VPS8: variants seen among roughly 807,000 people sequenced by gnomAD.
VPS8 encodes VPS8 subunit of CORVET complex, also known as vacuolar protein sorting-associated protein 8 homolog.
In VPS8, 129 loss-of-function variants were observed where a neutral mutation model predicts 216.4. The observed-to-expected ratio is 0.60, with a 90% CI of 0.52 to 0.69. The LOEUF (loss-of-function observed/expected upper bound fraction) is 0.69. VPS8 is among the 30% of genes least tolerant of loss of function. The pLI, the probability that VPS8 is intolerant of heterozygous loss-of-function variation, is 0.00. For synonymous variants in VPS8, 571 were observed against 565.4 expected (o/e 1.01, Z -0.14); for missense variants, 1,531 against 1,683.5 (o/e 0.91, Z 1.59).
At chr3:184,894,265 GT>G (rs1237449897) in intron 22 of VPS8, among the ~76,000 whole-genome samples, 1 of 151,840 alleles carries the variant, frequency 6.6e-6, no homozygotes, top group Non-Finnish European at 1.5e-5. Context: ...TAGTCCTTTT[GT>G]TTTTTTCCTA....
At chr3:184,985,592 T>C (rs9283654) in intron 42 of VPS8, among the ~76,000 whole-genome samples, 151,716 of 152,274 alleles carry the variant, frequency 1, 75,583 homozygotes, top group Middle Eastern at 1. Context: ...ACTTAATCTG[T>C]GTAAGAGCAG....
chr3:184,846,969 G>A (rs1723252004), intron 8 of VPS8, among the ~76,000 whole-genome samples: 1 of 152,150 alleles, frequency 6.6e-6, no homozygotes, highest in East Asian at 1.9e-4. Context: ...ATAGAATAAA[G>A]GGAAGTTTTA....
In VPS8 at chr3:185,007,593, T is replaced by C. The variant is rs553555963; in HGVS notation, c.4002+7732T>C. 4.6e-5 allele frequency among the ~76,000 whole-genome samples: 7 copies of C among 152,288 alleles called. 1 individual carries two copies. The South Asian group carries it at 1.5e-3, about 32-fold the overall frequency. On this transcript the variant is annotated intron_variant, in intron 45 of 47. Transcript: ENST00000625842. The stretch of plus-strand genomic sequence containing the variant: ...TGAGAGTAGGTAATAAGCTAACACA[T>C]TGTTATGTACCAGAATATTCAAGTT...
At chr3:184,841,302 A>G (rs558814121) in intron 7 of VPS8, among the ~76,000 whole-genome samples, 18 of 152,296 alleles carry the variant, frequency 1.2e-4, no homozygotes, top group African/African-American at 4.1e-4. Flanking sequence ...CTGTACCTAT[A>G]TATGTGTATC....
At chr3:185,008,573 G>C (rs1259152671) in intron 45 of VPS8, among the ~76,000 whole-genome samples, 4 of 152,044 alleles carry the variant, frequency 2.6e-5, no homozygotes, top group Non-Finnish European at 4.4e-5. Flanking sequence ...GGAAACGTAC[G>C]TTAGGTGGTT....
intron 45 of VPS8, among the ~76,000 whole-genome samples, chr3:185,015,026 C>T (rs1006235280): frequency 9.8e-5 from 15 of 152,316 alleles, no homozygotes; most frequent in Admixed American, 9.2e-4. Flanking sequence ...GTATGACATC[C>T]ATTAGCCAAA....
intron 37 of VPS8, among the ~76,000 whole-genome samples, chr3:184,959,422 A>G (rs1294769274): frequency 6.6e-6 from 1 of 152,186 alleles, no homozygotes; most frequent in Admixed American, 6.5e-5. Flanking sequence ...ATGAATATTC[A>G]GTTTCTGAAT....
At chr3:184,877,706 G>A (rs1036231138) in intron 21 of VPS8, among the ~76,000 whole-genome samples, 1 of 152,150 alleles carries the variant, frequency 6.6e-6, no homozygotes, top group Admixed American at 6.5e-5. Flanking sequence ...CAGGAGCCTC[G>A]ACCCTGTACT....
At chr3:184,841,261 A>G (rs1237113105) in intron 7 of VPS8, among the ~76,000 whole-genome samples, 6 of 152,124 alleles carry the variant, frequency 3.9e-5, no homozygotes. Flanking sequence ...AATCCCTAAC[A>G]TTTTTGTATG....
At chr3:184,830,584 ATCT>A (rs1188664744) in intron 3 of VPS8, among the ~76,000 whole-genome samples, 3 of 152,114 alleles carry the variant, frequency 2.0e-5, no homozygotes, top group Non-Finnish European at 4.4e-5. Flanking sequence ...CAGTCTTGAC[ATCT>A]TCACTTCTTT....
chr3:184,892,785 T>G (rs1269702780), intron 22 of VPS8, among the ~76,000 whole-genome samples: 1 of 152,188 alleles, frequency 6.6e-6, no homozygotes, highest in Non-Finnish European at 1.5e-5. Context: ...TTGTAGCCTT[T>G]ACTGAATTTT....
rs1359067960 is a variant in VPS8, at chr3:184,849,943, T to G, written c.674T>G (p.Met225Arg). 1 of 1,612,470 alleles carries G rather than the reference T, an allele frequency of 6.2e-7. No individual in the cohort carries two copies. The highest frequency in any genetic ancestry group is 8.5e-7 in the Non-Finnish European group (1 of 1,179,340). The change falls in exon 10 of 48, where the codon ATG becomes AGG. Residue 225 changes from methionine (M) to arginine (R), a missense_variant. Around this residue, in one of 3 missense-constraint regions of VPS8, gnomAD observed 1,318 missense variants for 1,468.4 expected, o/e 0.90. Coordinates refer to ENST00000625842, the MANE Select transcript of VPS8 (RefSeq NM_001009921.3). Reference protein sequence around the residue: ...LCGFAKGQITMWDLASGKLLR... With the variant: ...LCGFAKGQITRWDLASGKLLR... ...CACTTAGTTGTCTTATAGATCACCATGTGGGATTTGGCCAGTGGAAAACTT... is the reference window on the plus strand; with the variant it reads ...CACTTAGTTGTCTTATAGATCACCAGGTGGGATTTGGCCAGTGGAAAACTT...
chr3:184,847,349 ATGAG>A (rs1413821957), intron 8 of VPS8, among the ~76,000 whole-genome samples: 1 of 152,214 alleles, frequency 6.6e-6, no homozygotes, highest in Non-Finnish European at 1.5e-5. Flanking sequence ...AGACCTGAGA[ATGAG>A]TGACTGTGTC....
rs534389149 is a variant in VPS8, at chr3:184,991,699, C to T, written c.3586-2284C>T. Among the ~76,000 whole-genome samples, 4 of 152,056 alleles carry T rather than the reference C, an allele frequency of 2.6e-5. No individual in the cohort carries two copies. The East Asian group carries it at 5.8e-4, about 22-fold the overall frequency. ...GTACCATCTGTTGATATTTGACAAACGTATACTTATTAAGAACTTGACCAA... is the reference window on the plus strand; with the variant it reads ...GTACCATCTGTTGATATTTGACAAATGTATACTTATTAAGAACTTGACCAA... On this transcript the variant is annotated intron_variant, in intron 42 of 47. Transcript: ENST00000625842.
intron 29 of VPS8, among the ~76,000 whole-genome samples, chr3:184,920,628 G>T (rs1738449139): frequency 6.6e-6 from 1 of 152,176 alleles, no homozygotes; most frequent in African/African-American, 2.4e-5. Context: ...ATGATTTGAG[G>T]CACACAGAAA....
At chr3:184,963,449 C>T (rs9290805) in intron 37 of VPS8, among the ~76,000 whole-genome samples, 100,151 of 151,912 alleles carry the variant, frequency 0.66, 33,530 homozygotes, top group Middle Eastern at 0.78. Context: ...AAGGAGATTT[C>T]TCAAGATGAC....
chr3:184,824,919 T>G, intron 2 of VPS8, 134 bp downstream of exon 2: 1 of 871,364 alleles, frequency 1.1e-6, no homozygotes, highest in Non-Finnish European at 1.7e-6. Context: ...TTTTTTTTTT[T>G]TTTGGATACA....
intron 16 of VPS8, among the ~76,000 whole-genome samples, chr3:184,865,798 G>A (rs748497230): frequency 3.3e-5 from 5 of 152,092 alleles, no homozygotes; most frequent in Non-Finnish European, 7.4e-5. Flanking sequence ...GACCAGCCTG[G>A]CCAACGTAGT....
intron 1 of VPS8, among the ~76,000 whole-genome samples, chr3:184,820,624 T>A (rs1032627267): frequency 4.6e-5 from 7 of 151,820 alleles, no homozygotes; most frequent in African/African-American, 1.7e-4. Flanking sequence ...AAGCTGCTCA[T>A]GTGAACTCTC....
Sources: gnomAD v4.1 joint callset for allele counts (sites outside exome capture counted in the v4.1 genomes callset) on GRCh38, gnomAD v4.1.1 for gene constraint, gnomAD v4.1.1 regional missense constraint, MANE v1.5 for transcripts, NCBI Gene and HGNC (gene_info 2026-07-23, HGNC 2026-07-21) for gene names.